RIMBP2: variants seen among roughly 807,000 people sequenced by gnomAD.
RIMBP2 encodes RIMS binding protein 2.
A neutral mutation model predicts 118.6 loss-of-function variants in RIMBP2; 48 were observed. The ratio of observed to expected loss-of-function variants is 0.40; its 90% CI spans 0.32 to 0.51. The LOEUF (loss-of-function observed/expected upper bound fraction) is 0.51. RIMBP2 is among the 20% of genes least tolerant of loss of function. The pLI, the probability that RIMBP2 is intolerant of heterozygous loss-of-function variation, is 0.41. For missense variants in RIMBP2, 1,551 were observed against 1,768.3 expected (o/e 0.88, Z 2.20); for synonymous variants, 762 against 742.9 (o/e 1.03, Z -0.42).
intron 5 of RIMBP2, 76 bp from the exon 6 acceptor site, chr12:130,470,819 A>C: frequency 2.6e-6 from 2 of 774,396 alleles, no homozygotes; most frequent in Non-Finnish European, 1.8e-6. Context: ...TGTCTGAATC[A>C]CTGGGGGTGG....
intron 7 of RIMBP2, among the ~76,000 whole-genome samples, chr12:130,452,835 A>G (rs2079112979): frequency 6.6e-6 from 1 of 152,222 alleles, no homozygotes; most frequent in Non-Finnish European, 1.5e-5. Flanking sequence ...CAGCTGATGA[A>G]GGTGATATGA....
chr12:130,532,162 T>A (rs139074085), intron 2 of RIMBP2, among the ~76,000 whole-genome samples: 20,003 of 109,810 alleles, frequency 0.18, 2,238 homozygotes, highest in Non-Finnish European at 0.25. Context: ...GATGCGTGTG[T>A]TTAGCCTCTA....
At chr12:130,407,913 G>T in intron 19 of RIMBP2, 84 bp from the exon 20 acceptor site, 1 of 1,226,610 alleles carries the variant, frequency 8.2e-7, no homozygotes, top group Admixed American at 1.7e-5. Context: ...GGTCACACAT[G>T]GCCAATACAG....
At chr12:130,599,848 C>G (rs565940016) in intron 2 of RIMBP2, among the ~76,000 whole-genome samples, 1 of 152,330 alleles carries the variant, frequency 6.6e-6, no homozygotes, top group East Asian at 1.9e-4. Context: ...CTTGGGGCCC[C>G]CAAATCACTA....
At chr12:130,599,336 T>C (rs1318767397) in intron 2 of RIMBP2, among the ~76,000 whole-genome samples, 1 of 152,126 alleles carries the variant, frequency 6.6e-6, no homozygotes, top group African/African-American at 2.4e-5. Context: ...AAAAGCAACA[T>C]ACTGGGAGAA....
Position 130,479,025 on chromosome 12 carries a change from AC to A in RIMBP2, c.-3-10del, listed in dbSNP as rs1299937350. On this transcript the variant is annotated splice_polypyrimidine_tract_variant and intron_variant, in intron 4 of 22. Coordinates refer to ENST00000690449, the MANE Select transcript of RIMBP2 (RefSeq NM_001393629.1). Reference sequence around the variant, plus strand: ...GCCGCCTCTCGCATATGCTGTGGGGACAGAGAGAGGCCTGGCTGAGCAGGGC... The same window carrying A: ...GCCGCCTCTCGCATATGCTGTGGGGAAGAGAGAGGCCTGGCTGAGCAGGGC... The A allele has an allele frequency of 6.2e-7, 1 of 1,610,304 alleles. No homozygotes were observed. Among genetic ancestry groups the A allele is most frequent in the Admixed American group, 1.7e-5 (1 of 59,794 alleles).
intron 19 of RIMBP2, among the ~76,000 whole-genome samples, chr12:130,409,985 G>A (rs1321929733): frequency 6.6e-6 from 1 of 152,230 alleles, no homozygotes; most frequent in East Asian, 1.9e-4. Flanking sequence ...GTTTTGCAGA[G>A]CGGTGATGCC....
rs139180895 is a variant in RIMBP2, at chr12:130,413,004, G to T, written c.3421-217C>A. On this transcript the variant is annotated intron_variant, in intron 18 of 22. Transcript: ENST00000690449. ...GACTTAAGAGCCAGTTTTTCATCTA[G>T]TGTTTGGACAACCTGCCATTCTTCT... 2.9e-3 allele frequency among the ~76,000 whole-genome samples: 449 copies of T among 152,234 alleles called. 3 individuals are homozygous for T. The highest frequency in any genetic ancestry group is 0.01 in the African/African-American group (433 of 41,528).
chr12:130,502,185 C>T (rs959207571), intron 4 of RIMBP2, among the ~76,000 whole-genome samples: 2 of 152,162 alleles, frequency 1.3e-5, no homozygotes, highest in East Asian at 1.9e-4. Flanking sequence ...CATGAAGCCC[C>T]GGCTGGACCG....
intron 2 of RIMBP2, among the ~76,000 whole-genome samples, chr12:130,575,459 A>T (rs960084571): frequency 6.6e-6 from 1 of 152,048 alleles, no homozygotes; most frequent in Non-Finnish European, 1.5e-5. Flanking sequence ...TGACATTTCC[A>T]TCAAAGTAAA....
intron 1 of RIMBP2, among the ~76,000 whole-genome samples, chr12:130,632,507 C>T (rs377722024): frequency 6.3e-4 from 96 of 152,242 alleles, no homozygotes; most frequent in African/African-American, 2.1e-3. Flanking sequence ...AGTAAACCTA[C>T]CGCTTTCTCC....
chr12:130,559,582 A>T (rs1056923237), intron 2 of RIMBP2, among the ~76,000 whole-genome samples: 4 of 152,244 alleles, frequency 2.6e-5, no homozygotes, highest in Middle Eastern at 3.4e-3. Flanking sequence ...ACTTAGGTTG[A>T]TCCTACACCT....
intron 2 of RIMBP2, among the ~76,000 whole-genome samples, chr12:130,538,928 G>A (rs1425156694): frequency 6.6e-6 from 1 of 152,168 alleles, no homozygotes; most frequent in Admixed American, 6.5e-5. Context: ...GTGGTCGAGA[G>A]CTGGGCAGGG....
At chr12:130,547,454 T>A (rs1395572511) in intron 2 of RIMBP2, among the ~76,000 whole-genome samples, 2 of 152,258 alleles carry the variant, frequency 1.3e-5, no homozygotes, top group African/African-American at 4.8e-5. Context: ...TTTTATAATC[T>A]GTTAGACTTA....
In RIMBP2 at chr12:130,428,259, C is replaced by T. The variant is rs1177409370; in HGVS notation, c.2332G>A (p.Glu778Lys). 4 of 1,613,760 alleles carry T rather than the reference C, an allele frequency of 2.5e-6. No individual in the cohort carries two copies. The highest frequency in any genetic ancestry group is 1.7e-5 in the Admixed American group (1 of 59,968). The change falls in exon 15 of 23, where the codon GAG becomes AAG. Residue 778 changes from glutamate (E) to lysine (K), a missense_variant. By Grantham distance (56) the Glu-to-Lys change is moderately conservative (BLOSUM62 1). Coordinates refer to ENST00000690449, the MANE Select transcript of RIMBP2 (RefSeq NM_001393629.1). The part of the protein sequence containing the change: ...SDLSDIMEED[E>K]EELYSEMQLE... ...TGCATTTCAGAATACAGCTCCTCCT[C>T]GTCCTCCTCCATGATGTCTGAGAGG...
At chr12:130,569,021 G>A (rs553720613) in intron 2 of RIMBP2, among the ~76,000 whole-genome samples, 15 of 152,126 alleles carry the variant, frequency 9.9e-5, no homozygotes, top group South Asian at 2.1e-4. Flanking sequence ...ACCCCCCACC[G>A]AGAAGCTGGA....
chr12:130,507,994 G>A (rs1051977248), intron 3 of RIMBP2, among the ~76,000 whole-genome samples: 1 of 152,292 alleles, frequency 6.6e-6, no homozygotes, highest in South Asian at 2.1e-4. Context: ...TTAAGAGGTC[G>A]TAGAGAGGTC....
At chr12:130,411,965 T>C (rs572039904) in intron 19 of RIMBP2, among the ~76,000 whole-genome samples, 1 of 152,304 alleles carries the variant, frequency 6.6e-6, no homozygotes, top group South Asian at 2.1e-4. Flanking sequence ...GATATAAAAC[T>C]GATATCTCTC....
intron 2 of RIMBP2, among the ~76,000 whole-genome samples, chr12:130,599,426 C>T (rs953370649): frequency 2.0e-5 from 3 of 152,174 alleles, no homozygotes; most frequent in Non-Finnish European, 4.4e-5. Context: ...AAAAAACAAG[C>T]CATCCAATTA....
Sources: allele counts gnomAD v4.1 joint callset (sites outside exome capture counted in the v4.1 genomes callset), GRCh38; gene constraint gnomAD v4.1.1; transcripts MANE v1.5; gene names NCBI Gene and HGNC (gene_info 2026-07-23, HGNC 2026-07-21).